EXOC4: variants seen among roughly 807,000 people sequenced by gnomAD.
EXOC4 encodes SEC8-like 1.
A neutral mutation model predicts 107.2 loss-of-function variants in EXOC4; 71 were observed. The observed-to-expected ratio is 0.66, with a 90% CI of 0.55 to 0.81. EXOC4 has a LOEUF of 0.81. Ranked by LOEUF, EXOC4 falls within the 30% of genes least tolerant of loss-of-function variation. The probability of loss-of-function intolerance (pLI) is 0.00; values close to 1 mark genes in which losing one functional copy is unlikely to be tolerated. For missense variants in EXOC4, 1,108 were observed against 1,189.6 expected (o/e 0.93, Z 1.01); for synonymous variants, 456 against 441.2 (o/e 1.03, Z -0.42).
At chr7:133,970,284 G>A (rs747918966) in intron 14 of EXOC4, among the ~76,000 whole-genome samples, 2 of 152,064 alleles carry the variant, frequency 1.3e-5, no homozygotes, top group East Asian at 1.9e-4. Flanking sequence ...GCTGGGCTCC[G>A]TGGGGGTGGG....
chr7:133,360,348 A>G (rs1796109470), intron 6 of EXOC4, among the ~76,000 whole-genome samples: 1 of 152,224 alleles, frequency 6.6e-6, no homozygotes, highest in Non-Finnish European at 1.5e-5. Context: ...GTGGGAAAAG[A>G]GAATGGTTGG....
At chr7:133,621,932 G>T (rs117289226) in intron 9 of EXOC4, among the ~76,000 whole-genome samples, 3 of 146,554 alleles carry the variant, frequency 2.0e-5, no homozygotes, top group Non-Finnish European at 4.5e-5. Context: ...AGCAAGAAAG[G>T]TCTGTTGACT....
intron 10 of EXOC4, among the ~76,000 whole-genome samples, chr7:133,762,687 A>G (rs1324664034): frequency 6.6e-6 from 1 of 152,154 alleles, no homozygotes; most frequent in Non-Finnish European, 1.5e-5. Flanking sequence ...CATATTACGT[A>G]GTGTTATATA....
intron 7 of EXOC4, among the ~76,000 whole-genome samples, chr7:133,407,470 C>G (rs1188868505): frequency 6.6e-6 from 1 of 152,044 alleles, no homozygotes; most frequent in African/African-American, 2.4e-5. Flanking sequence ...TTCTCAGCAG[C>G]AAAAGCAATT....
In EXOC4 at chr7:134,007,761, T is replaced by A. The variant is rs1442196783; in HGVS notation, c.2613T>A (p.Cys871Ter). The A allele has an allele frequency of 1.2e-6, 2 of 1,613,566 alleles. No individual in the cohort carries two copies. Among genetic ancestry groups the A allele is most frequent in the East Asian group, 2.2e-5 (1 of 44,868 alleles). The part of the protein sequence containing the change: ...RISESGIKKM[C>*]RNIFVLQQNL... ...GTGAGTCTGGCATCAAGAAAATGTGTAGGAACATTTTTGTTCTTCAGCAGA... is the reference window on the plus strand; with the variant it reads ...GTGAGTCTGGCATCAAGAAAATGTGAAGGAACATTTTTGTTCTTCAGCAGA... Residue 871 changes from cysteine to a stop codon, truncating the protein, a stop_gained, in exon 17 of 18, where the codon TGT (cysteine) becomes TGA (stop). Transcript: ENST00000253861. LOFTEE classifies it high-confidence loss of function.
the EXOC4 span, among the ~76,000 whole-genome samples, chr7:134,085,333 A>AC: frequency 3.6e-4 from 9 of 25,030 alleles, no homozygotes; most frequent in Admixed American, 4.9e-3. Context: ...CAAAAACAAC[A>AC]AAAAAAAAAA....
chr7:133,938,495 T>TA, intron 14 of EXOC4, among the ~76,000 whole-genome samples: 1 of 152,334 alleles, frequency 6.6e-6, no homozygotes, highest in Middle Eastern at 3.4e-3. Flanking sequence ...ATCTTTTTAT[T>TA]AGTCATAGAA....
At chr7:133,682,365 C>T (rs927547553) in intron 10 of EXOC4, among the ~76,000 whole-genome samples, 4 of 152,140 alleles carry the variant, frequency 2.6e-5, no homozygotes, top group African/African-American at 7.2e-5. Context: ...ATGTGCTATT[C>T]TCGTGATAGT....
chr7:133,996,038 T>C (rs1021509958), intron 14 of EXOC4, among the ~76,000 whole-genome samples: 5 of 152,150 alleles, frequency 3.3e-5, no homozygotes, highest in African/African-American at 1.2e-4. Context: ...GCAAAACATA[T>C]CAGAAATTGA....
intron 9 of EXOC4, chr7:133,576,937 T>C (rs1801144827): frequency 8.9e-7 from 1 of 1,128,372 alleles, no homozygotes; most frequent in Non-Finnish European, 1.2e-6. Flanking sequence ...ATTCACTGCA[T>C]GTGTGTATGT....
chr7:133,883,818 G>C (rs1799019575), intron 11 of EXOC4, among the ~76,000 whole-genome samples: 1 of 152,202 alleles, frequency 6.6e-6, no homozygotes, highest in Non-Finnish European at 1.5e-5. Context: ...TCAGGCACCA[G>C]CTCTTGGATG....
chr7:134,087,343 C>T, the EXOC4 span, among the ~76,000 whole-genome samples: 1 of 152,108 alleles, frequency 6.6e-6, no homozygotes, highest in Non-Finnish European at 1.5e-5. Context: ...TAAAACAGCT[C>T]AGTCAGAAAG....
In EXOC4 at chr7:133,791,812, C is replaced by T. The variant is rs573868657; in HGVS notation, c.1515-25513C>T. On this transcript the variant is annotated intron_variant, in intron 10 of 17. Transcript: ENST00000253861. ...TATGTTATTGAAAATAGATCAGGTT[C>T]CTTTAGATGTTTAATAACCTTTATG... Among the ~76,000 whole-genome samples, 59 of 152,192 alleles carry T rather than the reference C, an allele frequency of 3.9e-4. No homozygotes were observed. In the South Asian group the frequency reaches 0.011, roughly 29 times the overall value.
intron 10 of EXOC4, among the ~76,000 whole-genome samples, chr7:133,778,084 A>G (rs531124945): frequency 2.0e-5 from 3 of 152,226 alleles, no homozygotes; most frequent in African/African-American, 4.8e-5. Flanking sequence ...GCATTCTCCC[A>G]AGAATATTTA....
intron 9 of EXOC4, among the ~76,000 whole-genome samples, chr7:133,524,793 A>G (rs1226191924): frequency 2.0e-5 from 3 of 151,926 alleles, no homozygotes; most frequent in African/African-American, 4.8e-5. Flanking sequence ...TGTTCCATTG[A>G]TCTATATCTC....
At chr7:134,018,170 A>G (rs1794952976) in intron 17 of EXOC4, among the ~76,000 whole-genome samples, 1 of 152,194 alleles carries the variant, frequency 6.6e-6, no homozygotes, top group South Asian at 2.1e-4. Flanking sequence ...CTGAAAAGAT[A>G]TTAAGCTTGT....
At chr7:133,646,652 T>C (rs2911495) in intron 10 of EXOC4, among the ~76,000 whole-genome samples, 64,393 of 151,910 alleles carry the variant, frequency 0.42, 14,561 homozygotes, top group Admixed American at 0.56. Context: ...CTGATATTAT[T>C]TTATTTGATG....
rs574871810 is a variant in EXOC4 at position 133,357,669 on chromosome 7, A to G, written c.1007+1096A>G. ...AGTTTTTTTAAAAGAAGATAAAATT[A>G]AGGAGAAATAATAACTCATTTAGTA... On this transcript the variant is annotated intron_variant, in intron 6 of 17. Transcript: ENST00000253861. 3.9e-5 allele frequency among the ~76,000 whole-genome samples: 6 copies of G among 152,316 alleles called. No individual in the cohort carries two copies. The South Asian group carries it at 1.2e-3, about 32-fold the overall frequency.
chr7:133,598,587 A>G (rs2150984950), intron 9 of EXOC4, among the ~76,000 whole-genome samples: 1 of 152,356 alleles, frequency 6.6e-6, no homozygotes, highest in African/African-American at 2.4e-5. Context: ...CAACTAGGGT[A>G]TGTGAGTCTA....
Sources: gnomAD v4.1 joint callset for allele counts (sites outside exome capture counted in the v4.1 genomes callset) on GRCh38, gnomAD v4.1.1 for gene constraint, MANE v1.5 for transcripts, NCBI Gene and HGNC (gene_info 2026-07-23, HGNC 2026-07-21) for gene names.